Variants in ABCD3 observed in about 807,000 individuals in gnomAD.
ABCD3 encodes the protein ATP binding cassette subfamily D member 3.
In ABCD3, 41 loss-of-function variants were observed where a neutral mutation model predicts 105.5. That is an observed-to-expected ratio of 0.39 (90% CI 0.30 to 0.50). ABCD3 has a LOEUF of 0.50. ABCD3 is among the 20% of genes least tolerant of loss of function. The pLI is 0.84. For synonymous variants in ABCD3, 258 were observed against 269.0 expected (o/e 0.96, Z 0.40); for missense variants, 622 against 806.3 (o/e 0.77, Z 2.77).
chr1:94,498,583 A>ATTT lies in ABCD3; in HGVS notation c.1387-6_1387-4dup. On this transcript the variant is annotated intron_variant, in intron 16 of 22. Coordinates refer to ENST00000370214, the MANE Select transcript of ABCD3 (RefSeq NM_002858.4). ...TTTGATTTAATTACTTCACAGACTG[A>ATTT]TTTTTTTTTTTTTTTCAGGTTCGAT... 10 of 1,447,266 alleles carry ATTT rather than the reference A, an allele frequency of 6.9e-6. No homozygotes were observed. Among genetic ancestry groups the ATTT allele is most frequent in the South Asian group, 2.3e-5 (2 of 85,228 alleles). 89.7% of individuals were successfully genotyped at this position (1,447,266 alleles called of 1,614,324 possible).
rs1354799155 is a variant in ABCD3, at chr1:94,478,291, G to T, written c.660G>T (p.Lys220Asn). ...TAGACATAGTTTTGTATATCTTTAAGTTAACGAGTGCAATTGGAGCTCAGG... is the reference window on the plus strand; with the variant it reads ...TAGACATAGTTTTGTATATCTTTAATTTAACGAGTGCAATTGGAGCTCAGG... ...PFLDIVLYIFKLTSAIGAQGP... is the reference protein window; with the variant it reads ...PFLDIVLYIFNLTSAIGAQGP... The change falls in exon 8 of 23, where the codon AAG (lysine) becomes AAT (asparagine). Residue 220 changes from lysine (K) to asparagine (N), a missense_variant. Physicochemically the swap from Lys to Asn is moderately conservative, Grantham distance 94. Around this residue, in one of 4 missense-constraint regions of ABCD3, gnomAD observed 245 missense variants for 356.4 expected, o/e 0.69. Transcript: ENST00000370214. 1.2e-6 allele frequency: 2 copies of T among 1,602,792 alleles called. No individual in the cohort carries two copies. The highest frequency in any genetic ancestry group is 1.7e-6 in the Non-Finnish European group (2 of 1,171,768).
chr1:94,409,781 A>G, the ABCD3 span, among the ~76,000 whole-genome samples: 1 of 152,226 alleles, frequency 6.6e-6, no homozygotes, highest in African/African-American at 2.4e-5. Flanking sequence ...CAGTTGTCAC[A>G]TGAGGACAGT....
At chr1:94,408,014 C>T in the ABCD3 span, among the ~76,000 whole-genome samples, 10 of 152,358 alleles carry the variant, frequency 6.6e-5, no homozygotes, top group Non-Finnish European at 1.2e-4. Flanking sequence ...CTGAGGTTCT[C>T]TGGCCCATGA....
At chr1:94,466,766 T>G (rs1326349316) in intron 3 of ABCD3, among the ~76,000 whole-genome samples, 1 of 152,228 alleles carries the variant, frequency 6.6e-6, no homozygotes, top group Non-Finnish European at 1.5e-5. Context: ...AACAGCTTAA[T>G]GTTCATTTTA....
intron 1 of ABCD3, among the ~76,000 whole-genome samples, chr1:94,429,075 A>G (rs889932578): frequency 1.3e-5 from 2 of 152,140 alleles, no homozygotes; most frequent in Non-Finnish European, 2.9e-5. Flanking sequence ...ACTTGTTGGG[A>G]ACTGGAGCAA....
chr1:94,399,302 G>A, the ABCD3 span, among the ~76,000 whole-genome samples: 1 of 152,170 alleles, frequency 6.6e-6, no homozygotes, highest in Non-Finnish European at 1.5e-5. Context: ...TAAAAGTAAT[G>A]CACACACATT....
At chr1:94,510,729 CT>C (rs984289891) in intron 21 of ABCD3, among the ~76,000 whole-genome samples, 45 of 152,206 alleles carry the variant, frequency 3.0e-4, no homozygotes, top group African/African-American at 1.1e-3. Flanking sequence ...GAATTGATCC[CT>C]TTACCATTAT....
chr1:94,510,657 T>A (rs1482780705), intron 21 of ABCD3, among the ~76,000 whole-genome samples: 1 of 152,164 alleles, frequency 6.6e-6, no homozygotes, highest in South Asian at 2.1e-4. Flanking sequence ...GGACTTGCTT[T>A]ATGAATCTGG....
At chr1:94,390,457 C>A in the ABCD3 span, among the ~76,000 whole-genome samples, 2 of 152,012 alleles carry the variant, frequency 1.3e-5, no homozygotes, top group Non-Finnish European at 2.9e-5. Context: ...TGCACGCTGC[C>A]AAGCCCAGCT....
chr1:94,418,795 C>T, intron 1 of ABCD3: 1 of 589,442 alleles, frequency 1.7e-6, no homozygotes, highest in Admixed American at 3.1e-5. Context: ...GTCCGGCGAC[C>T]TCGCTCCACC....
chr1:94,501,719 C>T (rs1442702745), intron 20 of ABCD3, among the ~76,000 whole-genome samples: 1 of 151,978 alleles, frequency 6.6e-6, no homozygotes, highest in Non-Finnish European at 1.5e-5. Context: ...TCTTGCTCTT[C>T]CTATTTAGTA....
At chr1:94,399,568 T>C in the ABCD3 span, among the ~76,000 whole-genome samples, 1 of 152,236 alleles carries the variant, frequency 6.6e-6, no homozygotes, top group Non-Finnish European at 1.5e-5. Flanking sequence ...CACAGTCATT[T>C]ATGAGAAAGC....
intron 9 of ABCD3, 54 bp downstream of exon 9, chr1:94,480,660 T>C: frequency 6.3e-7 from 1 of 1,597,454 alleles, no homozygotes; most frequent in South Asian, 1.1e-5. Context: ...TGGATATTGA[T>C]GTCATTTAAA....
At chr1:94,482,924 C>A in intron 9 of ABCD3, 1 of 480,884 alleles carries the variant, frequency 2.1e-6, no homozygotes, top group Non-Finnish European at 3.8e-6. Context: ...CTTTTGCAGC[C>A]AGGATACCTA....
chr1:94,422,939 A>C (rs552341033), intron 1 of ABCD3, among the ~76,000 whole-genome samples: 22 of 152,308 alleles, frequency 1.4e-4, no homozygotes, highest in African/African-American at 5.1e-4. Context: ...TGCTTGTCAA[A>C]TAGAGTTCGG....
At chr1:94,444,019 T>C (rs1660237038) in intron 1 of ABCD3, among the ~76,000 whole-genome samples, 1 of 152,150 alleles carries the variant, frequency 6.6e-6, no homozygotes, top group Non-Finnish European at 1.5e-5. Flanking sequence ...TATTTCATTA[T>C]TTTTTGCTTC....
chr1:94,395,790 C>G, the ABCD3 span, among the ~76,000 whole-genome samples: 1 of 152,094 alleles, frequency 6.6e-6, no homozygotes, highest in African/African-American at 2.4e-5. Flanking sequence ...TTTCCATTTC[C>G]TCTATGAGAC....
chr1:94,502,548 G>A (rs1015091827), intron 20 of ABCD3, among the ~76,000 whole-genome samples: 1 of 149,882 alleles, frequency 6.7e-6, no homozygotes, highest in Non-Finnish European at 1.5e-5. Flanking sequence ...CCAGGCCGGA[G>A]TGCAGTGGCA....
intron 3 of ABCD3, among the ~76,000 whole-genome samples, chr1:94,467,094 TTCTTTAAACATCAC>T (rs1324009702): frequency 6.6e-6 from 1 of 152,228 alleles, no homozygotes; most frequent in African/African-American, 2.4e-5. Flanking sequence ...TTAAGTAATA[TTCTTTAAACATCAC>T]TTTTTAACAT....
Sources: gnomAD v4.1 joint callset for allele counts (sites outside exome capture counted in the v4.1 genomes callset) on GRCh38, gnomAD v4.1.1 for gene constraint, gnomAD v4.1.1 regional missense constraint, MANE v1.5 for transcripts, NCBI Gene and HGNC (gene_info 2026-07-23, HGNC 2026-07-21) for gene names.